Variants in GPI observed in about 807,000 individuals in gnomAD.
GPI encodes the protein D-hexose-6-phosphate anomerase.
A neutral mutation model predicts 75.8 loss-of-function variants in GPI; 56 were observed. That is an observed-to-expected ratio of 0.74 (90% CI 0.60 to 0.92). The LOEUF (loss-of-function observed/expected upper bound fraction) is 0.92. GPI is among the 40% of genes least tolerant of loss of function. The pLI is 0.00. For missense variants in GPI, 638 were observed against 741.0 expected (o/e 0.86, Z 1.61); for synonymous variants, 288 against 285.4 (o/e 1.01, Z -0.09).
rs1362944058 is a variant in GPI, at chr19:34,390,760, G to A, written c.805-2488G>A. The stretch of plus-strand genomic sequence containing the variant: ...GTTTGAGGAGGTAGCATCTGGCACA[G>A]GTATGAGGATATGGGTCTTCCATGT... On this transcript the variant is annotated intron_variant, in intron 9 of 17. Coordinates refer to ENST00000356487, the MANE Select transcript of GPI (RefSeq NM_000175.5). Among the ~76,000 whole-genome samples the A allele has an allele frequency of 4.0e-5, 6 of 150,806 alleles. No homozygotes were observed. In the East Asian group the frequency reaches 7.8e-4, roughly 20 times the overall value.
At chr19:34,390,608 C>T (rs1221808115) in intron 9 of GPI, among the ~76,000 whole-genome samples, 1 of 150,630 alleles carries the variant, frequency 6.6e-6, no homozygotes, top group Non-Finnish European at 1.5e-5. Context: ...CAGCAGGTTA[C>T]AGGTATGAGG....
Position 34,377,483 on chromosome 19 carries a change from C to T in GPI, c.403-20C>T. On this transcript the variant is annotated intron_variant, in intron 4 of 17. Transcript: ENST00000356487. Reference sequence around the variant, plus strand: ...TATGCCTGGGGGTTTGGGCTGATGGCATCTTCGCCCCTGTGCCAGCGTGTC... The same window carrying T: ...TATGCCTGGGGGTTTGGGCTGATGGTATCTTCGCCCCTGTGCCAGCGTGTC... 6 of 1,580,364 alleles carry T rather than the reference C, an allele frequency of 3.8e-6. No homozygotes were observed. Among genetic ancestry groups the T allele is most frequent in the Non-Finnish European group, 4.3e-6 (5 of 1,149,950 alleles).
At chr19:34,360,986 C>G (rs770425423), upstream of GPI, among the ~76,000 whole-genome samples, 1 of 151,930 alleles carries the variant, frequency 6.6e-6, no homozygotes, top group Admixed American at 6.6e-5. Context: ...CCATGGTGGC[C>G]AGACTGGTCT....
At chr19:34,377,320 A>ATAT (rs2074555151) in intron 4 of GPI, among the ~76,000 whole-genome samples, 183 bp from the exon 5 acceptor site, 7 of 93,318 alleles carry the variant, frequency 7.5e-5, no homozygotes, top group African/African-American at 3.8e-4. Context: ...AAAAAAAAAA[A>ATAT]AAAAAAAAAA....
Position 34,378,932 on chromosome 19 carries a change from A to G in GPI, c.634-2A>G. ...GCCCACTGCTGTTCTCTTTGGTTGC[A>G]GACCTTTACTACCCAGGAGACCATC... On this transcript the variant is annotated splice_acceptor_variant, in intron 6 of 17. Transcript: ENST00000356487. LOFTEE classifies it high-confidence loss of function. 1 of 1,613,942 alleles carries G rather than the reference A, an allele frequency of 6.2e-7. No individual in the cohort carries two copies. The highest frequency in any genetic ancestry group is 8.5e-7 in the Non-Finnish European group (1 of 1,179,770).
chr19:34,361,150 G>A, upstream of GPI, among the ~76,000 whole-genome samples: 1 of 151,846 alleles, frequency 6.6e-6, no homozygotes, highest in Non-Finnish European at 1.5e-5. Flanking sequence ...GGAGTGCAGT[G>A]GCATGATTCA....
intron 4 of GPI, among the ~76,000 whole-genome samples, chr19:34,374,464 A>G (rs1296640263): frequency 6.6e-6 from 1 of 152,074 alleles, no homozygotes; most frequent in African/African-American, 2.4e-5. Flanking sequence ...CCTTCCACAC[A>G]CAGATACCCC....
intron 4 of GPI, among the ~76,000 whole-genome samples, chr19:34,374,640 C>T (rs1335043188): frequency 6.6e-6 from 1 of 152,164 alleles, no homozygotes; most frequent in East Asian, 1.9e-4. Context: ...ACCCCTCACA[C>T]ACCCAGCATA....
At chr19:34,383,958 G>A (rs541270832) in intron 9 of GPI, among the ~76,000 whole-genome samples, 38 of 152,310 alleles carry the variant, frequency 2.5e-4, no homozygotes, top group Non-Finnish European at 4.0e-4. Flanking sequence ...TTTCAGAGCC[G>A]CGTCTGTCTG....
chr19:34,366,256 T>A lies in GPI; in HGVS notation c.123-89T>A, dbSNP rs751175700. The A allele has an allele frequency of 9.2e-6, 8 of 874,278 alleles. No homozygotes were observed. The East Asian group carries it at 1.7e-4, about 18-fold the overall frequency. The allele number at this position is 874,278 out of a possible 1,614,324, so 54.2% of individuals were successfully genotyped here. A position where few individuals can be genotyped will look rare whatever the true frequency, so the allele number is the denominator to read the frequency against. The stretch of plus-strand genomic sequence containing the variant: ...CTTGTGGGGCGTGGGTCAGGGAGGA[T>A]GTTTCTTCTGGGAACAGCTCCTGCT... On this transcript the variant is annotated intron_variant, in intron 1 of 17. Transcript: ENST00000356487.
intron 9 of GPI, among the ~76,000 whole-genome samples, chr19:34,382,816 A>G (rs1045136521): frequency 2.0e-5 from 3 of 152,186 alleles, no homozygotes; most frequent in African/African-American, 7.2e-5. Context: ...TGGACACAGG[A>G]ACATGGGGCC....
intron 4 of GPI, among the ~76,000 whole-genome samples, chr19:34,371,425 G>T (rs746347043): frequency 2.1e-4 from 32 of 152,160 alleles, no homozygotes; most frequent in Non-Finnish European, 4.0e-4. Flanking sequence ...ATAGGGATTA[G>T]GGAGCTATAG....
rs8191429 is a variant in GPI, at chr19:34,400,581, A to T, written c.*545A>T. On this transcript the variant is annotated 3_prime_UTR_variant, in exon 18 of 18. Transcript: ENST00000356487. ...CACTCCTCACCTCTGTGACTGCAGA[A>T]ATTGGATACTCTGTTCACTCGATGG... 0.016 allele frequency: 6,832 copies of T among 430,964 alleles called. 74 individuals are homozygous for T. Among genetic ancestry groups the T allele is most frequent in the South Asian group, 0.024 (290 of 12,198 alleles). The allele number at this position is 430,964 out of a possible 1,614,324, so 26.7% of individuals were successfully genotyped here.
At chr19:34,365,452 G>A in intron 1 of GPI, 64 bp downstream of exon 1, 1 of 1,512,878 alleles carries the variant, frequency 6.6e-7, no homozygotes. Flanking sequence ...CGCGGGCCTG[G>A]GGTCTGGAGG....
In GPI at chr19:34,399,206, G is replaced by A; in HGVS notation, c.1270-1G>A. 1 of 1,612,524 alleles carries A rather than the reference G, an allele frequency of 6.2e-7. No individual in the cohort carries two copies. The highest frequency in any genetic ancestry group is 8.5e-7 in the Non-Finnish European group (1 of 1,179,632). The stretch of plus-strand genomic sequence containing the variant: ...AGCATAACTGATGTCTCGCTCATCA[G>A]ATCCTCCTGGCCAACTTCTTGGCCC... On this transcript the variant is annotated splice_acceptor_variant, in intron 14 of 17. Coordinates refer to ENST00000356487, the MANE Select transcript of GPI (RefSeq NM_000175.5). LOFTEE classifies it high-confidence loss of function.
In GPI at chr19:34,400,170, G is replaced by T; in HGVS notation, c.*134G>T. ...TGTGGGCTTGGACCACGAGCCCTTA[G>T]CAGGGAAGGCTGGTCTCCCCCAGCC... On this transcript the variant is annotated 3_prime_UTR_variant, in exon 18 of 18. Transcript: ENST00000356487. 1 of 920,170 alleles carries T rather than the reference G, an allele frequency of 1.1e-6. No homozygotes were observed. Among genetic ancestry groups the T allele is most frequent in the Non-Finnish European group, 1.8e-6 (1 of 569,952 alleles). The allele number at this position is 920,170 out of a possible 1,614,324, so 57.0% of individuals were successfully genotyped here.
rs549307201 is a variant in GPI, at chr19:34,382,610, G to C, written c.804+1091G>C. 3.9e-5 allele frequency among the ~76,000 whole-genome samples: 6 copies of C among 152,274 alleles called. No individual in the cohort carries two copies. The East Asian group carries it at 7.7e-4, about 20-fold the overall frequency. ...TTGCATGGCTGATAATGGAGGGCAG[G>C]CACCTTCCACCTCCTCCTTGGGATC... is the stretch of plus-strand genomic sequence containing the variant. On this transcript the variant is annotated intron_variant, in intron 9 of 17. Transcript: ENST00000356487.
intron 3 of GPI, among the ~76,000 whole-genome samples, chr19:34,367,473 G>A (rs554629802): frequency 6.6e-6 from 1 of 152,354 alleles, no homozygotes; most frequent in East Asian, 1.9e-4. Context: ...TAAGCTGAGA[G>A]AGGATGCAAT....
chr19:34,361,839 G>A (rs1056663550), upstream of GPI, among the ~76,000 whole-genome samples: 8 of 152,032 alleles, frequency 5.3e-5, 1 homozygote, highest in Non-Finnish European at 8.8e-5. Context: ...AAATTAGGCC[G>A]GGTGCAGTGG....
Sources: allele counts gnomAD v4.1 joint callset (sites outside exome capture counted in the v4.1 genomes callset), GRCh38; gene constraint gnomAD v4.1.1; transcripts MANE v1.5; gene names NCBI Gene and HGNC (gene_info 2026-07-23, HGNC 2026-07-21).